The following ZNF581 variants were observed in gnomAD, a reference collection of about 807,000 sequenced individuals.
The protein encoded by ZNF581 is zinc finger protein 581.
A neutral mutation model predicts 1.2 loss-of-function variants in ZNF581; 1 was observed. The ratio of observed to expected loss-of-function variants is 0.83; its 90% CI spans 0.30 to 3.95. The LOEUF (loss-of-function observed/expected upper bound fraction) is 3.95. Among genes scored for constraint, ZNF581 ranks in the 30% most tolerant of loss-of-function variants. ZNF581 has a pLI of 0.18. For synonymous variants in ZNF581, 105 were observed against 109.2 expected (o/e 0.96, Z 0.24); for missense variants, 273 against 274.6 (o/e 0.99, Z 0.04).
At chr19:55,638,346 C>G (rs1982219637), upstream of ZNF581, among the ~76,000 whole-genome samples, 2 of 152,138 alleles carry the variant, frequency 1.3e-5, no homozygotes, top group Non-Finnish European at 2.9e-5. Flanking sequence ...TCAAGTGATT[C>G]TCCTGCCTCA....
upstream of ZNF581, chr19:55,641,247 G>A (rs1408756061): frequency 2.1e-6 from 2 of 961,930 alleles, no homozygotes; most frequent in Non-Finnish European, 2.5e-6. Context: ...AGGCAGGCTG[G>A]GGGAGTGCGC....
chr19:55,640,332 C>T (rs1982376042), upstream of ZNF581: 1 of 985,148 alleles, frequency 1.0e-6, no homozygotes, highest in Non-Finnish European at 1.2e-6. Context: ...CTGGCGCAGC[C>T]CGCGAGCCCG....
At position 55,645,475 on chromosome 19, in the gene ZNF581, C is replaced by T. The variant is rs928731924; in HGVS notation, c.*310C>T. 3.5e-6 allele frequency: 1 copy of T among 288,750 alleles called. No individual in the cohort carries two copies. The highest frequency in any genetic ancestry group is 6.8e-6 in the Non-Finnish European group (1 of 146,190). The allele number at this position is 288,750 out of a possible 1,614,324, so 17.9% of individuals were successfully genotyped here. A position where few individuals can be genotyped will look rare whatever the true frequency, so the allele number is the denominator to read the frequency against. ...GGAGTGTGGTGTGTAAAGTCTCTGGCCTCATAAAAGGTGGCTGTGGGTCGT... is the reference window on the plus strand; with the variant it reads ...GGAGTGTGGTGTGTAAAGTCTCTGGTCTCATAAAAGGTGGCTGTGGGTCGT... On this transcript the variant is annotated 3_prime_UTR_variant, in exon 2 of 2. Coordinates refer to ENST00000270451, the MANE Select transcript of ZNF581 (RefSeq NM_016535.4).
upstream of ZNF581, chr19:55,642,764 C>A: frequency 6.5e-7 from 1 of 1,544,222 alleles, no homozygotes; most frequent in Non-Finnish European, 8.7e-7. Flanking sequence ...CCCAGGAGAG[C>A]CCGGCCCTCG....
In ZNF581 at chr19:55,645,348, T is replaced by C. The variant is rs1355132706; in HGVS notation, c.*183T>C. 1.9e-6 allele frequency: 1 copy of C among 518,262 alleles called. No homozygotes were observed. The highest frequency in any genetic ancestry group is 3.1e-5 in the East Asian group (1 of 31,904). The allele number at this position is 518,262 out of a possible 1,614,324, so 32.1% of individuals were successfully genotyped here. Reference sequence around the variant, plus strand: ...CCGTGAGTAATCTTCAGGTCCTCCGTGTTCTGGAGCTGAGATGGGAATGAG... The same window carrying C: ...CCGTGAGTAATCTTCAGGTCCTCCGCGTTCTGGAGCTGAGATGGGAATGAG... On this transcript the variant is annotated 3_prime_UTR_variant, in exon 2 of 2. Coordinates refer to ENST00000270451, the MANE Select transcript of ZNF581 (RefSeq NM_016535.4).
At chr19:55,642,602 G>C, upstream of ZNF581, 1 of 1,452,750 alleles carries the variant, frequency 6.9e-7, no homozygotes, top group South Asian at 1.5e-5. Context: ...TTTCCCCAAG[G>C]CGGAAGGCCC....
upstream of ZNF581, among the ~76,000 whole-genome samples, chr19:55,641,497 G>A (rs1982474437): frequency 6.6e-6 from 1 of 152,236 alleles, no homozygotes; most frequent in Non-Finnish European, 1.5e-5. Context: ...GTAACAGGGA[G>A]AGGGATGGGG....
upstream of ZNF581, chr19:55,642,792 C>T (rs762828556): frequency 2.6e-6 from 4 of 1,559,836 alleles, no homozygotes; most frequent in African/African-American, 1.4e-5. Flanking sequence ...TACAGCTGCC[C>T]GGAGTGCGCC....
At chr19:55,640,141 C>T (rs1426779729), upstream of ZNF581, 3 of 985,442 alleles carry the variant, frequency 3.0e-6, no homozygotes, top group Non-Finnish European at 3.6e-6. Flanking sequence ...CCTGCAGATG[C>T]TGCTGCTGCC....
chr19:55,644,597 C>T lies in ZNF581; in HGVS notation c.26C>T (p.Pro9Leu), dbSNP rs1982738006. Reference protein sequence around the residue: MLVLPSPCPQPLAFSSVET... With the variant: MLVLPSPCLQPLAFSSVET... ...ATGCTGGTGCTGCCATCCCCCTGCC[C>T]TCAGCCTCTGGCATTTTCCTCCGTT... Residue 9 changes from proline to leucine, a missense_variant, in exon 2 of 2, where the codon CCT becomes CTT. Coordinates refer to ENST00000270451, the MANE Select transcript of ZNF581 (RefSeq NM_016535.4). This position sits in a 1 kb window ranked among gnomAD's most constrained non-coding sequence, Gnocchi z 4.3. 1 of 1,604,364 alleles carries T rather than the reference C, an allele frequency of 6.2e-7. No homozygotes were observed. The highest frequency in any genetic ancestry group is 2.2e-5 in the East Asian group (1 of 44,458).
chr19:55,644,881 C>T lies in ZNF581; in HGVS notation c.310C>T (p.Arg104Ter), dbSNP rs375452466. The T allele has an allele frequency of 3.7e-6, 6 of 1,613,910 alleles. No homozygotes were observed. Among genetic ancestry groups the T allele is most frequent in the South Asian group, 2.2e-5 (2 of 91,082 alleles). ...RVFEYMSYLQ[R>*]HSITHSEVKP... is the part of the protein sequence containing the mutation. Reference sequence around the variant, plus strand: ...CTTCGAGTACATGTCCTACCTTCAGCGACACAGCATCACCCACTCGGAGGT... The same window carrying T: ...CTTCGAGTACATGTCCTACCTTCAGTGACACAGCATCACCCACTCGGAGGT... Residue 104 changes from arginine to a stop codon, truncating the protein, a stop_gained, in exon 2 of 2, where the codon CGA becomes TGA. Transcript: ENST00000270451. LOFTEE classifies it low-confidence loss of function (END_TRUNC). This position sits in a 1 kb window ranked among gnomAD's most constrained non-coding sequence, Gnocchi z 4.3.
Position 55,644,412 on chromosome 19 carries a change from G to C in ZNF581, c.-19-141G>C. The stretch of plus-strand genomic sequence containing the variant: ...TTAGGGGGCCACAGACTCCAGCTGT[G>C]AGCGGGACTGGAAAAGAGGGACTGA... On this transcript the variant is annotated intron_variant, in intron 1 of 1. Coordinates refer to ENST00000270451, the MANE Select transcript of ZNF581 (RefSeq NM_016535.4). The surrounding 1 kb of genome is among the most constrained non-coding windows in gnomAD (Gnocchi z 4.3). The C allele has an allele frequency of 3.2e-6, 2 of 620,850 alleles. No homozygotes were observed. The highest frequency in any genetic ancestry group is 3.0e-5 in the Admixed American group (1 of 33,546). The allele number at this position is 620,850 out of a possible 1,614,324, so 38.5% of individuals were successfully genotyped here.
upstream of ZNF581, chr19:55,642,776 A>T: frequency 1.3e-6 from 2 of 1,550,020 alleles, no homozygotes; most frequent in East Asian, 2.4e-5. Context: ...CGGCCCTCGC[A>T]AGGGCTACAG....
upstream of ZNF581, chr19:55,641,332 G>T: frequency 2.0e-6 from 1 of 488,368 alleles, no homozygotes; most frequent in Non-Finnish European, 2.7e-6. Context: ...AAGTCGAGGC[G>T]CCAGGGCTCC....
At chr19:55,638,064 CAA>C (rs1439062514), upstream of ZNF581, among the ~76,000 whole-genome samples, 2 of 152,202 alleles carry the variant, frequency 1.3e-5, no homozygotes, top group South Asian at 4.1e-4. Flanking sequence ...AATTTATAAA[CAA>C]AAGAAGCTTA....
At chr19:55,640,996 G>A, upstream of ZNF581, 1 of 985,376 alleles carries the variant, frequency 1.0e-6, no homozygotes, top group Non-Finnish European at 1.2e-6. Flanking sequence ...CGCGCTTCCG[G>A]CCGGCGCCTT....
rs908475205 is a variant in ZNF581 at position 55,635,500 on chromosome 19, G to A, written c.-232G>A. 6.6e-5 allele frequency: 13 copies of A among 197,558 alleles called. No individual in the cohort carries two copies. In the Admixed American group the frequency reaches 7.2e-4, roughly 11 times the overall value. 12.2% of individuals were successfully genotyped at this position (197,558 alleles called of 1,614,324 possible). A position where few individuals can be genotyped will look rare whatever the true frequency, so the allele number is the denominator to read the frequency against. On this transcript the variant is annotated 5_prime_UTR_variant, in exon 1 of 2. Transcript: ENST00000587252. ...GGAGCGGGGGTCAATCGGTCACTCCGGCCGGAGATCTGAGTGGCCTCTGCC... is the reference window on the plus strand; with the variant it reads ...GGAGCGGGGGTCAATCGGTCACTCCAGCCGGAGATCTGAGTGGCCTCTGCC...
Position 55,644,493 on chromosome 19 carries a change from C to T in ZNF581, c.-19-60C>T. On this transcript the variant is annotated intron_variant, in intron 1 of 1. Coordinates refer to ENST00000270451, the MANE Select transcript of ZNF581 (RefSeq NM_016535.4). This position sits in a 1 kb window ranked among gnomAD's most constrained non-coding sequence, Gnocchi z 4.3. ...GGTATAGGGAGGGAAAAGGATGGAG[C>T]CTGTGGTGCTGAGCTGCCCTCTTCT... 1 of 1,092,672 alleles carries T rather than the reference C, an allele frequency of 9.2e-7. No homozygotes were observed. The highest frequency in any genetic ancestry group is 1.6e-5 in the South Asian group (1 of 62,716). 67.7% of individuals were successfully genotyped at this position (1,092,672 alleles called of 1,614,324 possible).
chr19:55,640,255 G>A, upstream of ZNF581: 2 of 985,480 alleles, frequency 2.0e-6, no homozygotes, highest in Non-Finnish European at 1.2e-6. Context: ...GCGCCACCGC[G>A]CGTTGCTTTC....
Sources: gnomAD v4.1 joint callset for allele counts (sites outside exome capture counted in the v4.1 genomes callset) on GRCh38, gnomAD v4.1.1 for gene constraint, Gnocchi (gnomAD v3.1) non-coding constraint, MANE v1.5 for transcripts, NCBI Gene and HGNC (gene_info 2026-07-23, HGNC 2026-07-21) for gene names.